The following INSL6 variants were observed in gnomAD, a reference collection of about 807,000 sequenced individuals.
The protein encoded by INSL6 is insulin like 6, also known as insulin-like peptide INSL6.
In INSL6, 16 loss-of-function variants were observed where a neutral mutation model predicts 9.4. The ratio of observed to expected loss-of-function variants is 1.70; its 90% CI spans 1.15 to 2.59. The LOEUF (loss-of-function observed/expected upper bound fraction) is 2.59. Ranked by LOEUF, INSL6 falls within the 30% of genes most tolerant of loss-of-function variation. The pLI is 0.00. For synonymous variants in INSL6, 154 were observed against 96.9 expected (o/e 1.59, Z -3.46); for missense variants, 391 against 257.3 (o/e 1.52, Z -3.56).
the INSL6 span, chr9:5,113,884 A>T: frequency 4.7e-6 from 1 of 214,190 alleles, no homozygotes; most frequent in Non-Finnish European, 9.5e-6. Context: ...CACCGTGAAG[A>T]TCTTACAGTC....
At chr9:5,139,641 G>C (rs1338979820) in intron 2 of INSL6, among the ~76,000 whole-genome samples, 2 of 152,134 alleles carry the variant, frequency 1.3e-5, no homozygotes, top group Non-Finnish European at 2.9e-5. Flanking sequence ...TGGTAGAAGA[G>C]AATCAGAGAT....
At position 5,185,420 on chromosome 9, in the gene INSL6, G is replaced by C. The variant is rs775528701; in HGVS notation, c.183C>G (p.Phe61Leu). 2 of 1,614,194 alleles carry C rather than the reference G, an allele frequency of 1.2e-6. No individual in the cohort carries two copies. The highest frequency in any genetic ancestry group is 1.7e-6 in the Non-Finnish European group (2 of 1,180,044). ...SQFRFEEETPFSRLIAQASEK... is the reference protein window; with the variant it reads ...SQFRFEEETPLSRLIAQASEK... ...CCGAGGCCTGTGCAATCAACCGTGA[G>C]AAAGGGGTTTCCTCCTCGAAACGGA... Residue 61 changes from phenylalanine (F) to leucine (L), a missense_variant, in exon 1 of 2, where the codon TTC (phenylalanine) becomes TTG (leucine). Coordinates refer to ENST00000381641, the MANE Select transcript of INSL6 (RefSeq NM_007179.3).
At chr9:5,106,742 C>T in the INSL6 span, among the ~76,000 whole-genome samples, 1 of 152,130 alleles carries the variant, frequency 6.6e-6, no homozygotes. Context: ...AGTTCATGTC[C>T]TTTGCAGGGA....
intron 1 of INSL6, among the ~76,000 whole-genome samples, chr9:5,165,833 C>G (rs556838357): frequency 8.5e-5 from 13 of 152,190 alleles, no homozygotes; most frequent in Non-Finnish European, 1.6e-4. Context: ...ATGGCCCTTG[C>G]TCATCTACAG....
At chr9:5,024,933 A>G in the INSL6 span, among the ~76,000 whole-genome samples, 1 of 152,186 alleles carries the variant, frequency 6.6e-6, no homozygotes, top group Non-Finnish European at 1.5e-5. Flanking sequence ...GCCATCTTCA[A>G]GACTTTGCTT....
At chr9:5,076,384 C>T in the INSL6 span, among the ~76,000 whole-genome samples, 3 of 152,176 alleles carry the variant, frequency 2.0e-5, no homozygotes, top group Admixed American at 2.0e-4. Flanking sequence ...GAAACTGCCA[C>T]AGCTACCTGA....
chr9:5,123,948 A>G (rs973951458), exon 4 of INSL6, among the ~76,000 whole-genome samples: 2 of 146,730 alleles, frequency 1.4e-5, no homozygotes, highest in Non-Finnish European at 3.0e-5. Context: ...TTTAATTTGC[A>G]TTTCTCTGGT....
chr9:5,141,519 C>A (rs977135619), intron 2 of INSL6, among the ~76,000 whole-genome samples: 2 of 152,084 alleles, frequency 1.3e-5, no homozygotes, highest in Non-Finnish European at 2.9e-5. Flanking sequence ...AGTGTCTGTT[C>A]ATGTCCTTTG....
At chr9:5,113,478 A>C in the INSL6 span, 1 of 150,450 alleles carries the variant, frequency 6.6e-6, no homozygotes, top group African/African-American at 2.5e-5. Context: ...AGGCTGGATC[A>C]GACTGGCCTA....
At chr9:5,115,557 C>A in the INSL6 span, among the ~76,000 whole-genome samples, 5 of 152,324 alleles carry the variant, frequency 3.3e-5, no homozygotes, top group African/African-American at 1.2e-4. Flanking sequence ...AATTCCATTA[C>A]TGGGTATATA....
chr9:5,096,363 G>C, the INSL6 span, among the ~76,000 whole-genome samples: 6 of 152,226 alleles, frequency 3.9e-5, no homozygotes, highest in African/African-American at 1.2e-4. Context: ...ACTCTATTCT[G>C]CATCAGTTGA....
At chr9:5,065,532 A>G in the INSL6 span, among the ~76,000 whole-genome samples, 2 of 152,238 alleles carry the variant, frequency 1.3e-5, no homozygotes, top group Non-Finnish European at 2.9e-5. Flanking sequence ...CACAGCAGCC[A>G]CTAGCTACAT....
chr9:5,078,551 T>C, the INSL6 span: 2 of 782,466 alleles, frequency 2.6e-6, no homozygotes, highest in Admixed American at 2.6e-5. Context: ...TGTATGTTCC[T>C]GATTAATAAT....
chr9:5,123,922 C>T (rs1015050732), exon 4 of INSL6, among the ~76,000 whole-genome samples: 2 of 150,018 alleles, frequency 1.3e-5, no homozygotes, highest in African/African-American at 4.9e-5. Context: ...TGGAATAAGG[C>T]ATATCTCATT....
the INSL6 span, among the ~76,000 whole-genome samples, chr9:5,076,859 G>A: frequency 6.6e-6 from 1 of 152,108 alleles, no homozygotes; most frequent in Non-Finnish European, 1.5e-5. Flanking sequence ...GTATCTGAGA[G>A]GCTCCTGTGG....
In INSL6 at chr9:5,185,457, T is replaced by A. The variant is rs753365466; in HGVS notation, c.146A>T (p.Asn49Ile). 6.2e-7 allele frequency: 1 copy of A among 1,614,186 alleles called. No individual in the cohort carries two copies. The highest frequency in any genetic ancestry group is 8.5e-7 in the Non-Finnish European group (1 of 1,180,034). Residue 49 changes from asparagine (N) to isoleucine (I), a missense_variant, in exon 1 of 2, where the codon AAC becomes ATC. Asn to Ile is a moderately radical substitution (Grantham distance 149). Transcript: ENST00000381641. ...CTCCTCGAAACGGAACTGGCTCCAG[T>A]TGGCATGGCCGCAGAGTTTTTCTAT... ...KEIEKLCGHA[N>I]WSQFRFEEET...
At chr9:4,995,217 G>T in the INSL6 span, among the ~76,000 whole-genome samples, 1 of 152,010 alleles carries the variant, frequency 6.6e-6, no homozygotes, top group African/African-American at 2.4e-5. Flanking sequence ...CTTTCTATTG[G>T]ATTTGTGGTC....
At chr9:5,090,638 C>T in the INSL6 span, 7 of 1,525,490 alleles carry the variant, frequency 4.6e-6, no homozygotes, top group African/African-American at 9.8e-5. Context: ...AGGAAATCAT[C>T]TAGACGTTTT....
At chr9:5,114,103 A>G in the INSL6 span, 20 of 337,146 alleles carry the variant, frequency 5.9e-5, no homozygotes, top group African/African-American at 4.3e-4. Context: ...CTGCCCGACC[A>G]CACCTACACC....
Sources: allele counts gnomAD v4.1 joint callset (sites outside exome capture counted in the v4.1 genomes callset), GRCh38; gene constraint gnomAD v4.1.1; transcripts MANE v1.5; gene names NCBI Gene and HGNC (gene_info 2026-07-23, HGNC 2026-07-21).